FOXP2: variants seen among roughly 807,000 people sequenced by gnomAD.
FOXP2 encodes the protein forkhead box P2.
A neutral mutation model predicts 115.8 loss-of-function variants in FOXP2; 12 were observed. The ratio of observed to expected loss-of-function variants is 0.10; its 90% confidence interval spans 0.07 to 0.17. The LOEUF (loss-of-function observed/expected upper bound fraction) is 0.17. Ranked by LOEUF, FOXP2 falls within the 10% of genes least tolerant of loss-of-function variation. FOXP2 has a pLI of 1.00. For synonymous variants in FOXP2, 328 were observed against 297.7 expected (o/e 1.10, Z -1.05); for missense variants, 629 against 843.5 (o/e 0.75, Z 3.15).
chr7:114,621,267 T>C (rs1413755284), intron 3 of FOXP2, among the ~76,000 whole-genome samples: 1 of 152,072 alleles, frequency 6.6e-6, no homozygotes, highest in Non-Finnish European at 1.5e-5. Flanking sequence ...TAAAGAATCT[T>C]TATGGGATAG....
At chr7:114,632,492 T>G (rs1804974804) in intron 6 of FOXP2, among the ~76,000 whole-genome samples, 1 of 152,190 alleles carries the variant, frequency 6.6e-6, no homozygotes, top group Non-Finnish European at 1.5e-5. Context: ...AAAGGGATAT[T>G]CTAACTTGCA....
At chr7:114,309,546 G>T (rs1045451511) in intron 2 of FOXP2, among the ~76,000 whole-genome samples, 1 of 152,148 alleles carries the variant, frequency 6.6e-6, no homozygotes, top group Non-Finnish European at 1.5e-5. Flanking sequence ...GGCTTGATCA[G>T]CATCTTAATT....
intron 3 of FOXP2, among the ~76,000 whole-genome samples, chr7:114,566,719 C>T (rs1407284718): frequency 6.6e-6 from 1 of 151,984 alleles, no homozygotes; most frequent in African/African-American, 2.4e-5. Flanking sequence ...ACCACTATTC[C>T]ATTCAGATAT....
intron 3 of FOXP2, among the ~76,000 whole-genome samples, chr7:114,583,781 G>A (rs1801985055): frequency 6.6e-6 from 1 of 152,172 alleles, no homozygotes; most frequent in Admixed American, 6.5e-5. Flanking sequence ...TGAGCAAATA[G>A]TTCCTACATC....
chr7:114,477,486 T>TA (rs1562949697), intron 2 of FOXP2, among the ~76,000 whole-genome samples: 1 of 151,828 alleles, frequency 6.6e-6, no homozygotes, highest in African/African-American at 2.4e-5. Flanking sequence ...CACTGGGGAC[T>TA]ACTAGAGCGA....
intron 2 of FOXP2, among the ~76,000 whole-genome samples, chr7:114,303,916 T>A (rs1171944383): frequency 6.6e-6 from 1 of 152,128 alleles, no homozygotes; most frequent in Non-Finnish European, 1.5e-5. Flanking sequence ...TTTCACATTT[T>A]ATGGCTGCAG....
chr7:114,448,869 G>T lies in FOXP2; in HGVS notation c.168+22190G>T, dbSNP rs564063199. On this transcript the variant is annotated intron_variant, in intron 2 of 16. Coordinates refer to ENST00000350908, the MANE Select transcript of FOXP2 (RefSeq NM_014491.4). ...TTAAACTTCTTTCAGAAACAGAGCA[G>T]GATAAAATTGTGTATGCTGTGAAAA... Among the ~76,000 whole-genome samples, 39 of 152,116 alleles carry T rather than the reference G, an allele frequency of 2.6e-4. No individual in the cohort carries two copies. The South Asian group carries it at 8.1e-3, about 32-fold the overall frequency.
chr7:114,389,975 G>A (rs921137237), intron 2 of FOXP2, among the ~76,000 whole-genome samples: 12 of 131,900 alleles, frequency 9.1e-5, no homozygotes, highest in Middle Eastern at 5.5e-3. Flanking sequence ...TGATAGCTGA[G>A]ATCGGACCAC....
At chr7:114,093,455 C>T (rs981573267) in intron 1 of FOXP2, among the ~76,000 whole-genome samples, 1 of 152,162 alleles carries the variant, frequency 6.6e-6, no homozygotes, top group South Asian at 2.1e-4. Context: ...ATGTAGGTTC[C>T]ATGGAGCCAG....
At chr7:114,274,768 A>C (rs1796146711) in intron 1 of FOXP2, among the ~76,000 whole-genome samples, 1 of 151,466 alleles carries the variant, frequency 6.6e-6, no homozygotes, top group African/African-American at 2.4e-5. Context: ...GGCATGCACC[A>C]CCATGCCCGA....
intron 1 of FOXP2, among the ~76,000 whole-genome samples, chr7:114,258,794 G>A (rs1185511196): frequency 2.0e-5 from 3 of 152,170 alleles, no homozygotes; most frequent in African/African-American, 7.2e-5. Context: ...ACAAGATGAA[G>A]AATGTCTAGA....
At chr7:114,675,371 A>T (rs952737116) in intron 16 of FOXP2, among the ~76,000 whole-genome samples, 1 of 152,158 alleles carries the variant, frequency 6.6e-6, no homozygotes, top group Non-Finnish European at 1.5e-5. Flanking sequence ...ATTTTCCAAT[A>T]TGTCAGTCAA....
chr7:114,210,038 A>C (rs1264298409), intron 1 of FOXP2, among the ~76,000 whole-genome samples: 5 of 152,072 alleles, frequency 3.3e-5, no homozygotes, highest in Non-Finnish European at 4.4e-5. Context: ...GTATTGTTTT[A>C]TCATGATTCT....
At chr7:114,219,363 A>G (rs1447982728) in intron 1 of FOXP2, among the ~76,000 whole-genome samples, 2 of 152,174 alleles carry the variant, frequency 1.3e-5, no homozygotes, top group Admixed American at 1.3e-4. Flanking sequence ...CTACAACTTT[A>G]AAAGAGTATG....
chr7:114,334,605 C>T (rs1797795464), intron 2 of FOXP2, among the ~76,000 whole-genome samples: 2 of 148,280 alleles, frequency 1.3e-5, no homozygotes, highest in Admixed American at 6.8e-5. Context: ...GAAAAAAATC[C>T]ATGTCCCTTT....
intron 1 of FOXP2, among the ~76,000 whole-genome samples, chr7:114,105,581 C>G (rs1791089704): frequency 6.6e-6 from 1 of 152,006 alleles, no homozygotes; most frequent in Non-Finnish European, 1.5e-5. Context: ...TTTGTAAACT[C>G]TCATTTTCCA....
chr7:114,452,935 CCTT>C (rs1054453035), intron 2 of FOXP2, among the ~76,000 whole-genome samples: 1 of 152,046 alleles, frequency 6.6e-6, no homozygotes, highest in Non-Finnish European at 1.5e-5. Flanking sequence ...ATGTTAACTG[CCTT>C]CTCTTAGTGT....
At chr7:114,596,726 C>G (rs1030139459) in intron 3 of FOXP2, among the ~76,000 whole-genome samples, 2 of 152,046 alleles carry the variant, frequency 1.3e-5, no homozygotes, top group African/African-American at 4.8e-5. Context: ...CCCCTCCATA[C>G]GTGTCCCAGG....
At chr7:114,446,993 A>T (rs547184409) in intron 2 of FOXP2, among the ~76,000 whole-genome samples, 4 of 151,406 alleles carry the variant, frequency 2.6e-5, no homozygotes, top group African/African-American at 9.7e-5. Flanking sequence ...CAAGCAATCC[A>T]CTCACTTCGG....
Sources: gnomAD v4.1 joint callset for allele counts (sites outside exome capture counted in the v4.1 genomes callset) on GRCh38, gnomAD v4.1.1 for gene constraint, MANE v1.5 for transcripts, NCBI Gene and HGNC (gene_info 2026-07-23, HGNC 2026-07-21) for gene names.